MTCL1: variants seen among roughly 807,000 people sequenced by gnomAD.
MTCL1 encodes the protein microtubule crosslinking factor 1.
Under a neutral mutation model 141.4 loss-of-function variants are expected in MTCL1, and 79 were observed. That is an observed-to-expected ratio of 0.56 (90% CI 0.47 to 0.67). MTCL1 has a LOEUF of 0.67. MTCL1 is among the 30% of genes least tolerant of loss of function. The pLI is 0.00. For missense variants in MTCL1, 2,177 were observed against 2,113.9 expected (o/e 1.03, Z -0.59); for synonymous variants, 914 against 875.8 (o/e 1.04, Z -0.77).
intron 10 of MTCL1, among the ~76,000 whole-genome samples, chr18:8,803,905 G>C (rs1056575737): frequency 3.9e-5 from 6 of 152,162 alleles, no homozygotes; most frequent in Admixed American, 1.3e-4. Flanking sequence ...AATGTCATGT[G>C]GTGTATGGGC....
At chr18:8,785,152 A>AG (rs2096547704) in intron 6 of MTCL1, among the ~76,000 whole-genome samples, 1 of 151,998 alleles carries the variant, frequency 6.6e-6, no homozygotes, top group African/African-American at 2.4e-5. Flanking sequence ...TGGAAGCGAT[A>AG]GGGCTCGACG....
At chr18:8,747,417 G>C (rs1458568408) in intron 4 of MTCL1, among the ~76,000 whole-genome samples, 2 of 152,134 alleles carry the variant, frequency 1.3e-5, no homozygotes, top group African/African-American at 4.8e-5. Flanking sequence ...AAAGGCCCTA[G>C]GGGAGAGTCT....
At chr18:8,742,050 A>G (rs2096306577) in intron 4 of MTCL1, among the ~76,000 whole-genome samples, 1 of 151,698 alleles carries the variant, frequency 6.6e-6, no homozygotes, top group Non-Finnish European at 1.5e-5. Context: ...AAAAAAAAAA[A>G]GCACTGTGCT....
intron 4 of MTCL1, among the ~76,000 whole-genome samples, chr18:8,736,782 C>T (rs185211470): frequency 6.8e-4 from 103 of 151,972 alleles, no homozygotes; most frequent in African/African-American, 2.2e-3. Context: ...GGACTACAGG[C>T]GCCCACCACC....
chr18:8,726,286 C>CTTTTTTTTTTTTTTTTT (rs77665680), intron 4 of MTCL1, among the ~76,000 whole-genome samples: 57 of 102,254 alleles, frequency 5.6e-4, no homozygotes, highest in Non-Finnish European at 7.7e-4. Flanking sequence ...TTCTTTTTTT[C>CTTTTTTTTTTTTTTTTT]TTTTTTTTTT....
Position 8,747,204 on chromosome 18 carries a change from G to A in MTCL1, c.357+26708G>A, listed in dbSNP as rs535311178. Among the ~76,000 whole-genome samples the A allele has an allele frequency of 2.0e-5, 3 of 152,258 alleles. No homozygotes were observed. The South Asian group carries it at 6.2e-4, about 32-fold the overall frequency. ...CTTTTCTAGTACGGCTGCAACCAAG[G>A]GCCCACCCACTGAACGGCTTCAGAA... On this transcript the variant is annotated intron_variant, in intron 4 of 16. Transcript: ENST00000359865.
rs564890739 is a variant in MTCL1 at position 8,752,382 on chromosome 18, T to C, written c.358-25451T>C. On this transcript the variant is annotated intron_variant, in intron 4 of 16. Transcript: ENST00000359865. ...CATGTACTAGTTGAATAGGAACTGA[T>C]AGTTGTTAACATAACTTTTAAATCG... Among the ~76,000 whole-genome samples, 34 of 152,392 alleles carry C rather than the reference T, an allele frequency of 2.2e-4. No individual in the cohort carries two copies. In the East Asian group the frequency reaches 2.5e-3, roughly 11 times the overall value.
intron 4 of MTCL1, among the ~76,000 whole-genome samples, chr18:8,747,931 C>G (rs1036877029): frequency 6.6e-6 from 1 of 152,158 alleles, no homozygotes; most frequent in African/African-American, 2.4e-5. Flanking sequence ...CTTGTGTGCC[C>G]CATGCTGGAG....
At chr18:8,752,129 G>T (rs1252546521) in intron 4 of MTCL1, among the ~76,000 whole-genome samples, 1 of 152,200 alleles carries the variant, frequency 6.6e-6, no homozygotes, top group African/African-American at 2.4e-5. Context: ...CGATGACAGA[G>T]ATAGAGATGG....
rs1184112487 is a variant in MTCL1, at chr18:8,706,726, T to C, written c.1053+13T>C. The C allele has an allele frequency of 5.2e-6, 8 of 1,544,094 alleles. No individual in the cohort carries two copies. The South Asian group carries it at 9.6e-5, about 18-fold the overall frequency. On this transcript the variant is annotated intron_variant, in intron 1 of 13. Coordinates refer to the MTCL1 transcript ENST00000306329. Reference sequence around the variant, plus strand: ...CGACTATCTCAAGGTGAGCCGCGCCTCGGCCGCAGGTGTCCCGGGGCGCCC... The same window carrying C: ...CGACTATCTCAAGGTGAGCCGCGCCCCGGCCGCAGGTGTCCCGGGGCGCCC...
chr18:8,813,116 G>C (rs780092112), exon 12 of MTCL1: 2 of 1,614,226 alleles, frequency 1.2e-6, no homozygotes. Flanking sequence ...TGCGCTGGCA[G>C]ATCCATCACA....
chr18:8,746,642 C>T (rs1319607164), intron 4 of MTCL1, among the ~76,000 whole-genome samples: 1 of 152,140 alleles, frequency 6.6e-6, no homozygotes, highest in Non-Finnish European at 1.5e-5. Context: ...TCTCGAGCTG[C>T]ACTGTGGTGT....
At chr18:8,723,954 C>T (rs1291041795) in intron 4 of MTCL1, among the ~76,000 whole-genome samples, 1 of 123,216 alleles carries the variant, frequency 8.1e-6, no homozygotes. Flanking sequence ...TTCATATAGA[C>T]GGAAAACAGA....
intron 4 of MTCL1, among the ~76,000 whole-genome samples, chr18:8,748,150 G>T (rs971792672): frequency 3.9e-5 from 6 of 152,092 alleles, no homozygotes; most frequent in African/African-American, 9.7e-5. Context: ...TTGCTTTCTA[G>T]TCTCTCTGCC....
At chr18:8,714,954 G>A (rs377063514), upstream of MTCL1, among the ~76,000 whole-genome samples, 91 of 152,104 alleles carry the variant, frequency 6.0e-4, 1 homozygote, top group East Asian at 0.013. Context: ...CCGCCACCAC[G>A]CCTGGCTAAT....
At chr18:8,710,771 T>A (rs1252632840) in intron 1 of MTCL1, among the ~76,000 whole-genome samples, 1 of 150,940 alleles carries the variant, frequency 6.6e-6, no homozygotes, top group Non-Finnish European at 1.5e-5. Flanking sequence ...TAGTCTATGT[T>A]AGGCTTGAGT....
At chr18:8,728,224 T>A (rs1479024531) in intron 4 of MTCL1, among the ~76,000 whole-genome samples, 1 of 152,228 alleles carries the variant, frequency 6.6e-6, no homozygotes, top group Non-Finnish European at 1.5e-5. Flanking sequence ...CCTATTTGTT[T>A]ACTTATCATT....
intron 8 of MTCL1, among the ~76,000 whole-genome samples, chr18:8,793,972 T>G (rs2075825246): frequency 1.3e-5 from 2 of 152,352 alleles, no homozygotes; most frequent in South Asian, 4.1e-4. Context: ...ACAAACTGAT[T>G]AAGGGAGTGA....
At chr18:8,732,427 T>C (rs1567954464) in intron 4 of MTCL1, among the ~76,000 whole-genome samples, 2 of 152,110 alleles carry the variant, frequency 1.3e-5, no homozygotes. Flanking sequence ...AGGTAACTTT[T>C]ATCTTCAAGT....
Sources: gnomAD v4.1 joint callset for allele counts (sites outside exome capture counted in the v4.1 genomes callset) on GRCh38, gnomAD v4.1.1 for gene constraint, MANE v1.5 for transcripts, NCBI Gene and HGNC (gene_info 2026-07-23, HGNC 2026-07-21) for gene names.